NSUN6: variants seen among roughly 807,000 people sequenced by gnomAD.
NSUN6 encodes the protein tRNA (cytosine(72)-C(5))-methyltransferase NSUN6.
NSUN6 carries 64 observed loss-of-function variants against 58.0 expected under a neutral mutation model. The observed-to-expected ratio is 1.10, with a 90% confidence interval of 0.90 to 1.36. NSUN6 has a LOEUF of 1.36. NSUN6 is among the 40% of genes most tolerant of loss of function. The pLI, the probability that NSUN6 is intolerant of heterozygous loss-of-function variation, is 0.00. For missense variants in NSUN6, 701 were observed against 550.1 expected (o/e 1.27, Z -2.74); for synonymous variants, 231 against 193.9 (o/e 1.19, Z -1.59).
intron 3 of NSUN6, among the ~76,000 whole-genome samples, chr10:18,639,826 T>C (rs1054785913): frequency 1.3e-5 from 2 of 152,218 alleles, no homozygotes; most frequent in Non-Finnish European, 2.9e-5. Flanking sequence ...AAATCTCTCA[T>C]ACACTGCTGA....
intron 6 of NSUN6, among the ~76,000 whole-genome samples, chr10:18,600,505 G>A (rs2057762759): frequency 6.6e-6 from 1 of 152,084 alleles, no homozygotes; most frequent in Non-Finnish European, 1.5e-5. Context: ...TGTACCTATA[G>A]TACCAGCTCC....
At chr10:18,588,312 G>C (rs1165311260) in intron 7 of NSUN6, among the ~76,000 whole-genome samples, 1 of 152,210 alleles carries the variant, frequency 6.6e-6, no homozygotes, top group Non-Finnish European at 1.5e-5. Flanking sequence ...CAGAGCACCT[G>C]GGGGGAGGGG....
intron 8 of NSUN6, among the ~76,000 whole-genome samples, chr10:18,572,659 T>A: frequency 6.6e-6 from 1 of 150,540 alleles, no homozygotes; most frequent in Non-Finnish European, 1.5e-5. Context: ...CATTCTTCAT[T>A]CCATTCCATT....
Position 18,651,308 on chromosome 10 carries a change from C to G in NSUN6, c.-105G>C, listed in dbSNP as rs567797304. The stretch of plus-strand genomic sequence containing the variant: ...GTGACGAGTGTCTTGACACCAGATG[C>G]TGAGGAAAATCTTGCCGATCACGCT... On this transcript the variant is annotated 5_prime_UTR_variant, in exon 1 of 11. Coordinates refer to ENST00000377304, the MANE Select transcript of NSUN6 (RefSeq NM_182543.5). 2.1e-6 allele frequency: 3 copies of G among 1,423,960 alleles called. No individual in the cohort carries two copies. The East Asian group carries it at 8.0e-5, about 38-fold the overall frequency. 88.2% of individuals were successfully genotyped at this position (1,423,960 alleles called of 1,614,324 possible). A position where few individuals can be genotyped will look rare whatever the true frequency, so the allele number is the denominator to read the frequency against.
intron 3 of NSUN6, among the ~76,000 whole-genome samples, chr10:18,623,658 T>C (rs2058687285): frequency 6.6e-6 from 1 of 152,210 alleles, no homozygotes; most frequent in African/African-American, 2.4e-5. Context: ...CCAGACAATG[T>C]GTTATTTTCT....
chr10:18,555,144 A>AGAATGGAATGGAGGATG (rs1470015781), intron 8 of NSUN6, among the ~76,000 whole-genome samples: 6 of 150,150 alleles, frequency 4.0e-5, no homozygotes, highest in East Asian at 3.9e-4. Flanking sequence ...AATGTAATGG[A>AGAATGGAATGGAGGATG]GAATGGAATG....
intron 1 of NSUN6, among the ~76,000 whole-genome samples, chr10:18,650,529 T>G (rs929755521): frequency 6.6e-6 from 1 of 152,198 alleles, no homozygotes; most frequent in South Asian, 2.1e-4. Context: ...AGCACTAGAA[T>G]GCAAATCATG....
chr10:18,648,008 C>T (rs1430082595), intron 2 of NSUN6, among the ~76,000 whole-genome samples: 3 of 152,120 alleles, frequency 2.0e-5, no homozygotes, highest in East Asian at 3.9e-4. Context: ...CAAAATGCTG[C>T]GATTACAGGC....
At chr10:18,581,073 C>T (rs1002904871) in intron 8 of NSUN6, among the ~76,000 whole-genome samples, 3 of 152,198 alleles carry the variant, frequency 2.0e-5, no homozygotes, top group African/African-American at 7.2e-5. Flanking sequence ...TGGGGTCTGG[C>T]GTTACTTCTC....
At chr10:18,649,070 T>C (rs950053739) in intron 1 of NSUN6, among the ~76,000 whole-genome samples, 7 of 152,202 alleles carry the variant, frequency 4.6e-5, no homozygotes, top group African/African-American at 1.4e-4. Flanking sequence ...AAGAGCAAAC[T>C]GGCTGGTATC....
upstream of NSUN6, among the ~76,000 whole-genome samples, chr10:18,657,647 C>A (rs1044138522): frequency 6.6e-6 from 1 of 152,086 alleles, no homozygotes; most frequent in Non-Finnish European, 1.5e-5. Context: ...CGGAGTCTCA[C>A]TCTGTCGCCA....
At position 18,600,945 on chromosome 10, in the gene NSUN6, T is replaced by A. The variant is rs1216847937; in HGVS notation, c.658-4618A>T. ...TCCATCTCAAAAAAAAAAAAAAATA[T>A]ATATATATATATATACATATATATA... On this transcript the variant is annotated intron_variant, in intron 6 of 10. Transcript: ENST00000377304. Among the ~76,000 whole-genome samples the A allele has an allele frequency of 9.8e-3, 696 of 71,042 alleles. 14 individuals are homozygous for A. The highest frequency in any genetic ancestry group is 0.037 in the African/African-American group (623 of 16,750). The allele number at this position is 71,042 out of a possible 152,430, so 46.6% of individuals were successfully genotyped here.
At chr10:18,639,140 G>C (rs1352788491) in intron 3 of NSUN6, among the ~76,000 whole-genome samples, 1 of 151,904 alleles carries the variant, frequency 6.6e-6, no homozygotes, top group Non-Finnish European at 1.5e-5. Context: ...TTAGCTGGTA[G>C]GAATTTTAGG....
Position 18,633,172 on chromosome 10 carries a change from C to T in NSUN6, c.311+9304G>A, listed in dbSNP as rs1057042089. Among the ~76,000 whole-genome samples, 10 of 151,206 alleles carry T rather than the reference C, an allele frequency of 6.6e-5. No homozygotes were observed. In the East Asian group the frequency reaches 7.8e-4, roughly 12 times the overall value. On this transcript the variant is annotated intron_variant, in intron 3 of 10. Transcript: ENST00000377304. ...ATGGCAAGAACAAAAAACCAAACACCGCATATTCTCACTCATAGGTGGGAA... is the reference window on the plus strand; with the variant it reads ...ATGGCAAGAACAAAAAACCAAACACTGCATATTCTCACTCATAGGTGGGAA...
chr10:18,576,718 A>G (rs1289041305), intron 8 of NSUN6, among the ~76,000 whole-genome samples: 1 of 152,152 alleles, frequency 6.6e-6, no homozygotes, highest in Non-Finnish European at 1.5e-5. Flanking sequence ...GGATGCAGTG[A>G]GCTTAAGAAT....
intron 3 of NSUN6, among the ~76,000 whole-genome samples, chr10:18,624,498 A>AG (rs2058718050): frequency 6.6e-6 from 1 of 150,422 alleles, no homozygotes; most frequent in South Asian, 2.1e-4. Context: ...AAAAAATACA[A>AG]AAAAAAAATT....
At chr10:18,596,159 T>C in intron 7 of NSUN6, 49 bp downstream of exon 7, 1 of 1,511,882 alleles carries the variant, frequency 6.6e-7, no homozygotes, top group Non-Finnish European at 9.1e-7. Flanking sequence ...TTACACATTG[T>C]GAAATATACA....
intron 7 of NSUN6, among the ~76,000 whole-genome samples, chr10:18,587,548 A>T (rs1290146281): frequency 1.3e-5 from 2 of 152,186 alleles, no homozygotes; most frequent in South Asian, 4.2e-4. Context: ...AGCGAGACCA[A>T]TGCAGAACGT....
intron 8 of NSUN6, among the ~76,000 whole-genome samples, chr10:18,569,497 C>G (rs901854259): frequency 6.1e-5 from 9 of 147,022 alleles, no homozygotes; most frequent in African/African-American, 2.0e-4. Flanking sequence ...TTTCATTCCA[C>G]TATCCATTCC....
Sources: allele counts gnomAD v4.1 joint callset (sites outside exome capture counted in the v4.1 genomes callset), GRCh38; gene constraint gnomAD v4.1.1; transcripts MANE v1.5; gene names NCBI Gene and HGNC (gene_info 2026-07-23, HGNC 2026-07-21).